Variants in CTNNB1 observed in about 807,000 individuals in gnomAD.
CTNNB1 encodes catenin beta-1.
CTNNB1 carries 6 observed loss-of-function variants against 82.5 expected under a neutral mutation model. The observed-to-expected ratio is 0.07, with a 90% CI of 0.04 to 0.14. The LOEUF (loss-of-function observed/expected upper bound fraction) is 0.14, where lower values mean the gene tolerates loss of function less well. CTNNB1 is among the 10% of genes least tolerant of loss of function. The pLI is 1.00. For missense variants in CTNNB1, 529 were observed against 980.4 expected (o/e 0.54, Z 6.15); for synonymous variants, 312 against 329.7 (o/e 0.95, Z 0.58).
At position 41,239,295 on chromosome 3, in the gene CTNNB1, C is replaced by T. The variant is rs1180402965; in HGVS notation, c.2299C>T (p.Pro767Ser). Reference protein sequence around the residue: ...GHAQDLMDGLPPGDSNQLAWF... With the variant: ...GHAQDLMDGLSPGDSNQLAWF... The stretch of plus-strand genomic sequence containing the variant: ...TGCCCAGGACCTCATGGATGGGCTG[C>T]CTCCAGGTGACAGCAATCAGCTGGC... The change falls in exon 15 of 15, where the codon CCT (proline) becomes TCT (serine). Residue 767 changes from proline (P) to serine (S), a missense_variant. This residue lies in a region of CTNNB1 where 102 missense variants were observed against 130.8 expected (regional missense o/e 0.78). Transcript: ENST00000349496. The T allele has an allele frequency of 1.2e-6, 2 of 1,614,158 alleles. No individual in the cohort carries two copies. Among genetic ancestry groups the T allele is most frequent in the Non-Finnish European group, 1.7e-6 (2 of 1,180,030 alleles).
At position 41,210,410 on chromosome 3, in the gene CTNNB1, C is replaced by T. The variant is rs1006699123; in HGVS notation, c.-49+10740C>T. 1.1e-4 allele frequency among the ~76,000 whole-genome samples: 17 copies of T among 152,058 alleles called. 1 individual carries two copies. Among genetic ancestry groups the T allele is most frequent in the Non-Finnish European group, 4.4e-5 (3 of 67,998 alleles). ...CGGAGTTTGCAGTGAGCCGAGATAG[C>T]GCCACTGCACTCCAGTCTGGGCGAC... On this transcript the variant is annotated intron_variant, in intron 1 of 14. Coordinates refer to ENST00000349496, the MANE Select transcript of CTNNB1 (RefSeq NM_001904.4).
intron 1 of CTNNB1, among the ~76,000 whole-genome samples, chr3:41,215,404 A>T (rs1238690577): frequency 2.0e-5 from 3 of 148,988 alleles, no homozygotes; most frequent in Non-Finnish European, 3.0e-5. Context: ...AAAAAAAAAA[A>T]CACTCTTAGG....
intron 1 of CTNNB1, among the ~76,000 whole-genome samples, chr3:41,210,230 G>C (rs557024382): frequency 6.6e-6 from 1 of 152,088 alleles, no homozygotes; most frequent in East Asian, 1.9e-4. Context: ...GAGGCAGGCG[G>C]ATCACGAGGT....
At chr3:41,238,446 G>C in intron 14 of CTNNB1, 1 of 226,574 alleles carries the variant, frequency 4.4e-6, no homozygotes, top group Non-Finnish European at 8.8e-6. Flanking sequence ...CAGATCTCGG[G>C]TGGGTTTTTA....
At chr3:41,224,787 G>A (rs997117183) in intron 3 of CTNNB1, 34 bp downstream of exon 3, 2 of 1,603,822 alleles carry the variant, frequency 1.2e-6, no homozygotes, top group African/African-American at 1.3e-5. Flanking sequence ...CTTACTGAAA[G>A]TCAGAATGCA....
intron 1 of CTNNB1, among the ~76,000 whole-genome samples, chr3:41,205,815 A>G (rs2077635578): frequency 6.6e-6 from 1 of 152,244 alleles, no homozygotes; most frequent in Admixed American, 6.5e-5. Context: ...TTATTACGAT[A>G]CGATGGTGTA....
rs2078133543 is a variant in CTNNB1 at position 41,224,681 on chromosome 3, G to A, written c.169G>A (p.Val57Met). ...SGKGNPEEED[V>M]DTSQVLYEWE... ...TAAAGGCAATCCTGAGGAAGAGGATGTGGATACCTCCCAAGTCCTGTATGA... is the reference window on the plus strand; with the variant it reads ...TAAAGGCAATCCTGAGGAAGAGGATATGGATACCTCCCAAGTCCTGTATGA... The change falls in exon 3 of 15, where the codon GTG (valine) becomes ATG (methionine). Residue 57 changes from valine (V) to methionine (M), a missense_variant. This residue lies in a region of CTNNB1 where 411 missense variants were observed against 776.4 expected (regional missense o/e 0.53). Transcript: ENST00000349496. 1 of 1,613,878 alleles carries A rather than the reference G, an allele frequency of 6.2e-7. No individual in the cohort carries two copies. Among genetic ancestry groups the A allele is most frequent in the Non-Finnish European group, 8.5e-7 (1 of 1,179,976 alleles).
rs1408333222 is a variant in CTNNB1, at chr3:41,224,424, T to G, written c.14-102T>G. On this transcript the variant is annotated intron_variant, in intron 2 of 14. Transcript: ENST00000349496. ...CTTGGCTGTCTTTCAGATTTGACTTTATTTCTAAAAATATTTCAATGGGTC... is the reference window on the plus strand; with the variant it reads ...CTTGGCTGTCTTTCAGATTTGACTTGATTTCTAAAAATATTTCAATGGGTC... 6 of 1,243,090 alleles carry G rather than the reference T, an allele frequency of 4.8e-6. No homozygotes were observed. The Admixed American group carries it at 1.0e-4, about 21-fold the overall frequency. 77.0% of individuals were successfully genotyped at this position (1,243,090 alleles called of 1,614,324 possible).
Position 41,224,516 on chromosome 3 carries a change from G to A in CTNNB1, c.14-10G>A, listed in dbSNP as rs146324531. ...AATCTACTAATGCTAATACTGTTTC[G>A]TATTTATAGCTGATTTGATGGAGTT... On this transcript the variant is annotated splice_polypyrimidine_tract_variant and intron_variant, in intron 2 of 14. Transcript: ENST00000349496. 29 of 1,610,782 alleles carry A rather than the reference G, an allele frequency of 1.8e-5. No individual in the cohort carries two copies. Among genetic ancestry groups the A allele is most frequent in the African/African-American group, 1.3e-4 (10 of 74,766 alleles).
At chr3:41,220,255 C>T (rs1162591697) in intron 1 of CTNNB1, among the ~76,000 whole-genome samples, 2 of 151,818 alleles carry the variant, frequency 1.3e-5, no homozygotes, top group East Asian at 1.9e-4. Context: ...CTTCTAATAA[C>T]CATTTGTGTA....
intron 1 of CTNNB1, among the ~76,000 whole-genome samples, chr3:41,213,485 C>T (rs182903575): frequency 6.6e-6 from 1 of 152,278 alleles, no homozygotes; most frequent in East Asian, 1.9e-4. Flanking sequence ...AATGCAGGGA[C>T]CATGTCTGCA....
intron 1 of CTNNB1, among the ~76,000 whole-genome samples, chr3:41,202,909 C>A (rs2125583329): frequency 6.6e-6 from 1 of 152,174 alleles, no homozygotes; most frequent in Non-Finnish European, 1.5e-5. Context: ...AACCTAGGCT[C>A]ATCTGTTGAG....
intron 1 of CTNNB1, among the ~76,000 whole-genome samples, chr3:41,201,671 A>G (rs758353481): frequency 2.6e-5 from 4 of 152,176 alleles, no homozygotes; most frequent in Non-Finnish European, 5.9e-5. Flanking sequence ...CAGAACAGTC[A>G]TTTAAAAGTT....
chr3:41,209,311 A>G (rs1017733845), intron 1 of CTNNB1, among the ~76,000 whole-genome samples: 1 of 152,184 alleles, frequency 6.6e-6, no homozygotes, highest in Non-Finnish European at 1.5e-5. Context: ...TTAAACTGGT[A>G]TCCAGCTATT....
At chr3:41,215,029 A>G (rs1431763813) in intron 1 of CTNNB1, among the ~76,000 whole-genome samples, 2 of 151,972 alleles carry the variant, frequency 1.3e-5, no homozygotes, top group Admixed American at 6.6e-5. Flanking sequence ...TATTCTAGCT[A>G]TATGTTGTTC....
rs2078264835 is a variant in CTNNB1 at position 41,229,858 on chromosome 3, A to AC, written c.1081+2507dup. 4.7e-5 allele frequency among the ~76,000 whole-genome samples: 7 copies of AC among 147,536 alleles called. No homozygotes were observed. In the South Asian group the frequency reaches 1.5e-3, roughly 32 times the overall value. The stretch of plus-strand genomic sequence containing the variant: ...TTGGGGAAAAGAATAGATGGTTTGT[A>AC]CTAGGGCCTCTTGGGTTCTGTGTGT... On this transcript the variant is annotated intron_variant, in intron 7 of 14. Coordinates refer to ENST00000349496, the MANE Select transcript of CTNNB1 (RefSeq NM_001904.4).
intron 1 of CTNNB1, among the ~76,000 whole-genome samples, chr3:41,223,194 C>T (rs1011821862): frequency 1.3e-5 from 2 of 151,972 alleles, no homozygotes; most frequent in South Asian, 2.1e-4. Context: ...TAAAGGAAAT[C>T]GTGTTATTAG....
intron 1 of CTNNB1, among the ~76,000 whole-genome samples, chr3:41,212,858 C>T (rs184398404): frequency 6.6e-4 from 101 of 152,292 alleles, no homozygotes; most frequent in African/African-American, 2.3e-3. Flanking sequence ...ACATCAACAG[C>T]GCCTGTTGTT....
intron 1 of CTNNB1, among the ~76,000 whole-genome samples, chr3:41,213,121 C>T (rs2077832897): frequency 6.6e-6 from 1 of 152,220 alleles, no homozygotes; most frequent in Non-Finnish European, 1.5e-5. Flanking sequence ...GGCTAGAGAG[C>T]TCTACGTGAT....
Sources: gnomAD v4.1 joint callset for allele counts (sites outside exome capture counted in the v4.1 genomes callset) on GRCh38, gnomAD v4.1.1 for gene constraint, gnomAD v4.1.1 regional missense constraint, MANE v1.5 for transcripts, NCBI Gene and HGNC (gene_info 2026-07-23, HGNC 2026-07-21) for gene names.